The following NEK10 variants were observed in gnomAD, a reference collection of about 807,000 sequenced individuals.
The protein encoded by NEK10 is serine/threonine-protein kinase Nek10.
In NEK10, 122 loss-of-function variants were observed where a neutral mutation model predicts 159.8. That is an observed-to-expected ratio of 0.76 (90% CI 0.66 to 0.89). NEK10 has a LOEUF of 0.89. Among genes scored for constraint, NEK10 ranks in the 40% least tolerant of loss-of-function variants. The probability of loss-of-function intolerance (pLI) is 0.00; values close to 1 mark genes in which losing one functional copy is unlikely to be tolerated. For missense variants in NEK10, 1,342 were observed against 1,323.1 expected, an observed-to-expected ratio of 1.01 and a Z score of -0.22; for synonymous variants, 466 against 457.1, an observed-to-expected ratio of 1.02 and a Z score of -0.25.
intron 8 of NEK10, 39 bp from the exon 9 acceptor site, chr3:27,311,055 AT>A: frequency 7.7e-7 from 1 of 1,305,100 alleles, no homozygotes; most frequent in Non-Finnish European, 1.1e-6. Flanking sequence ...GCATCCAGAG[AT>A]TAAAGGGGGA....
chr3:27,267,654 C>T (rs7622813), intron 22 of NEK10, among the ~76,000 whole-genome samples: 96,539 of 152,110 alleles, frequency 0.63, 33,019 homozygotes, highest in African/African-American at 0.91. Context: ...TTGTGTGCAT[C>T]CTGACTGCTA....
At chr3:27,277,747 A>G (rs2041874041) in intron 22 of NEK10, among the ~76,000 whole-genome samples, 1 of 152,158 alleles carries the variant, frequency 6.6e-6, no homozygotes, top group Non-Finnish European at 1.5e-5. Flanking sequence ...ATTCACTCAT[A>G]TTCTCTCGGA....
At chr3:27,275,165 G>C (rs984462795) in intron 22 of NEK10, among the ~76,000 whole-genome samples, 1 of 152,092 alleles carries the variant, frequency 6.6e-6, no homozygotes, top group African/African-American at 2.4e-5. Flanking sequence ...CAATTGTCAG[G>C]GTTGGAAACT....
chr3:27,344,779 C>T (rs1204913519), intron 4 of NEK10, among the ~76,000 whole-genome samples: 1 of 152,188 alleles, frequency 6.6e-6, no homozygotes, highest in East Asian at 1.9e-4. Flanking sequence ...CACTTTTCCA[C>T]ATACCCTCGA....
intron 22 of NEK10, among the ~76,000 whole-genome samples, chr3:27,280,341 G>A (rs2149439209): frequency 6.6e-6 from 1 of 152,206 alleles, no homozygotes; most frequent in Non-Finnish European, 1.5e-5. Flanking sequence ...TGCCATCCAA[G>A]GGAGAAGAGA....
intron 23 of NEK10, among the ~76,000 whole-genome samples, chr3:27,208,105 G>A (rs939433400): frequency 1.3e-5 from 2 of 152,072 alleles, no homozygotes; most frequent in African/African-American, 4.8e-5. Flanking sequence ...GATATTTATG[G>A]TTGCTGAAGG....
intron 22 of NEK10, among the ~76,000 whole-genome samples, chr3:27,261,208 G>A (rs1309472496): frequency 2.0e-5 from 3 of 151,870 alleles, no homozygotes; most frequent in Admixed American, 6.6e-5. Context: ...GGGTTTTTTT[G>A]TGTCTCTATT....
chr3:27,331,001 C>T (rs1181299040), intron 5 of NEK10, among the ~76,000 whole-genome samples: 13 of 151,906 alleles, frequency 8.6e-5, no homozygotes, highest in Admixed American at 2.6e-4. Flanking sequence ...TTTGGGAGGC[C>T]GAAGTGGGCG....
At chr3:27,328,277 C>G (rs1324500979) in intron 5 of NEK10, among the ~76,000 whole-genome samples, 2 of 152,182 alleles carry the variant, frequency 1.3e-5, no homozygotes, top group African/African-American at 4.8e-5. Context: ...CACTTGTACT[C>G]ATGGAGCTTA....
At position 27,292,767 on chromosome 3, in the gene NEK10, C is replaced by CAA. The variant is rs35773318; in HGVS notation, c.1373+819_1373+820dup. On this transcript the variant is annotated intron_variant, in intron 16 of 35. Transcript: ENST00000691995. ...GAGAAGCAACAGGATGAGCCTTTGT[C>CAA]AAAAAAAAAAAAAAAAAAGAGAACT... Among the ~76,000 whole-genome samples, 374 of 88,372 alleles carry CAA rather than the reference C, an allele frequency of 4.2e-3. 2 individuals are homozygous for CAA. Among genetic ancestry groups the CAA allele is most frequent in the African/African-American group, 0.011 (352 of 31,556 alleles). The allele number at this position is 88,372 out of a possible 152,430, so 58.0% of individuals were successfully genotyped here.
At chr3:27,189,674 C>T (rs1043194095) in intron 26 of NEK10, among the ~76,000 whole-genome samples, 1 of 151,872 alleles carries the variant, frequency 6.6e-6, no homozygotes, top group African/African-American at 2.4e-5. Flanking sequence ...AGAAAAATGC[C>T]AATTAACTGC....
At chr3:27,153,104 A>T (rs1054236953) in intron 30 of NEK10, among the ~76,000 whole-genome samples, 2 of 152,142 alleles carry the variant, frequency 1.3e-5, no homozygotes, top group Non-Finnish European at 2.9e-5. Flanking sequence ...GCAGATCATG[A>T]GGTCAGGAGA....
At chr3:27,295,735 G>A in intron 14 of NEK10, 45 bp from the exon 15 acceptor site, 1 of 1,496,414 alleles carries the variant, frequency 6.7e-7, no homozygotes. Context: ...ACACTGTAGT[G>A]ATACACAAGC....
In NEK10 at chr3:27,109,990, G is replaced by T. The variant is rs1939357881; in HGVS notation, c.*1282C>A. ...GATTTTCATACTATACAGAAAGAAGGTTATGGTCTTTCAACCACTGTAAAT... is the reference window on the plus strand; with the variant it reads ...GATTTTCATACTATACAGAAAGAAGTTTATGGTCTTTCAACCACTGTAAAT... On this transcript the variant is annotated 3_prime_UTR_variant, in exon 36 of 36. Coordinates refer to ENST00000691995, the MANE Select transcript of NEK10 (RefSeq NM_001394966.1). 1 of 150,652 alleles carries T rather than the reference G, an allele frequency of 6.6e-6. No individual in the cohort carries two copies. Among genetic ancestry groups the T allele is most frequent in the Non-Finnish European group, 1.5e-5 (1 of 67,478 alleles). The allele number at this position is 150,652 out of a possible 1,614,324, so 9.3% of individuals were successfully genotyped here.
chr3:27,353,726 T>G (rs943195665), intron 1 of NEK10, among the ~76,000 whole-genome samples: 1 of 152,144 alleles, frequency 6.6e-6, no homozygotes, highest in African/African-American at 2.4e-5. Flanking sequence ...TCAACAAATA[T>G]TTATTGACCC....
chr3:27,309,192 A>C, intron 9 of NEK10, 187 bp from the exon 10 acceptor site: 1 of 384,224 alleles, frequency 2.6e-6, no homozygotes. Flanking sequence ...ATATACAATT[A>C]AGCACAAACT....
At chr3:27,280,071 C>T (rs578046980) in intron 22 of NEK10, among the ~76,000 whole-genome samples, 5 of 125,678 alleles carry the variant, frequency 4.0e-5, no homozygotes, top group African/African-American at 1.6e-4. Flanking sequence ...TTTATCTCCT[C>T]TAAATCTCAA....
chr3:27,220,194 A>T (rs1327278922), intron 23 of NEK10, among the ~76,000 whole-genome samples: 1 of 152,220 alleles, frequency 6.6e-6, no homozygotes, highest in Non-Finnish European at 1.5e-5. Context: ...AGTGGTTTAG[A>T]ACACACATCT....
intron 1 of NEK10, among the ~76,000 whole-genome samples, chr3:27,355,574 G>A (rs1421576260): frequency 6.6e-6 from 1 of 151,968 alleles, no homozygotes; most frequent in Admixed American, 6.6e-5. Flanking sequence ...AAACTAGTTA[G>A]CTTTCCCTTC....
Sources: gnomAD v4.1 joint callset for allele counts (sites outside exome capture counted in the v4.1 genomes callset) on GRCh38, gnomAD v4.1.1 for gene constraint, MANE v1.5 for transcripts, NCBI Gene and HGNC (gene_info 2026-07-23, HGNC 2026-07-21) for gene names.